The following ENPP2 variants were observed in gnomAD, a reference collection of about 807,000 sequenced individuals.
The protein encoded by ENPP2 is autotaxin.
A neutral mutation model predicts 120.2 loss-of-function variants in ENPP2; 51 were observed. That is an observed-to-expected ratio of 0.42 (90% CI 0.34 to 0.54). The LOEUF is 0.54. Among genes scored for constraint, ENPP2 ranks in the 20% least tolerant of loss-of-function variants. The pLI is 0.04. For synonymous variants in ENPP2, 365 were observed against 366.4 expected (o/e 1.00, Z 0.04); for missense variants, 920 against 1,066.5 (o/e 0.86, Z 1.91).
At chr8:119,595,109 C>G (rs1457957707) in intron 11 of ENPP2, among the ~76,000 whole-genome samples, 5 of 152,172 alleles carry the variant, frequency 3.3e-5, no homozygotes, top group Non-Finnish European at 5.9e-5. Flanking sequence ...AGATCTCTGT[C>G]TAGGTAAAGA....
chr8:119,570,307 G>C (rs1388161396), intron 20 of ENPP2, among the ~76,000 whole-genome samples: 2 of 149,046 alleles, frequency 1.3e-5, no homozygotes, highest in Non-Finnish European at 3.0e-5. Flanking sequence ...TGCTGATAGT[G>C]GGGGAGGTTG....
chr8:119,664,087 T>G (rs1484839892), intron 1 of ENPP2, among the ~76,000 whole-genome samples: 2 of 151,900 alleles, frequency 1.3e-5, no homozygotes, highest in Non-Finnish European at 2.9e-5. Flanking sequence ...GGAGGCAGAG[T>G]AGGTGCCCTC....
intron 24 of ENPP2, among the ~76,000 whole-genome samples, chr8:119,561,055 T>C (rs570057348): frequency 6.6e-6 from 1 of 152,354 alleles, no homozygotes; most frequent in East Asian, 1.9e-4. Context: ...CTACTACTTT[T>C]TAAAAATTTG....
chr8:119,630,294 G>A (rs982314927), intron 2 of ENPP2, among the ~76,000 whole-genome samples: 12 of 152,092 alleles, frequency 7.9e-5, no homozygotes, highest in Non-Finnish European at 5.9e-5. Flanking sequence ...TTTTAGTAGA[G>A]ACAGGGTTTC....
chr8:119,620,707 A>G (rs897718942), intron 4 of ENPP2, among the ~76,000 whole-genome samples: 1 of 152,240 alleles, frequency 6.6e-6, no homozygotes, highest in Admixed American at 6.5e-5. Flanking sequence ...TCTGTAGTCC[A>G]TTAACTATTG....
At chr8:119,586,111 GA>G (rs1371515065) in intron 15 of ENPP2, 74 bp downstream of exon 15, 2 of 1,472,124 alleles carry the variant, frequency 1.4e-6, no homozygotes, top group Non-Finnish European at 1.9e-6. Flanking sequence ...GATGACTAAG[GA>G]TGATAAAATA....
intron 8 of ENPP2, among the ~76,000 whole-genome samples, chr8:119,614,432 A>G (rs1234225969): frequency 2.0e-5 from 3 of 152,130 alleles, no homozygotes; most frequent in Non-Finnish European, 4.4e-5. Flanking sequence ...TTTCACCACA[A>G]ATCTTGGTCA....
At chr8:119,649,744 T>C (rs141172743) in intron 1 of ENPP2, among the ~76,000 whole-genome samples, 2 of 152,152 alleles carry the variant, frequency 1.3e-5, no homozygotes, top group Non-Finnish European at 2.9e-5. Context: ...TAAAAAATGA[T>C]CAATGGATTA....
At chr8:119,657,145 G>T (rs537052621) in intron 1 of ENPP2, among the ~76,000 whole-genome samples, 2 of 151,986 alleles carry the variant, frequency 1.3e-5, no homozygotes, top group African/African-American at 2.4e-5. Flanking sequence ...GTCTGGTCTC[G>T]AACTCCTGAC....
At chr8:119,592,093 C>T (rs1813546204) in intron 12 of ENPP2, among the ~76,000 whole-genome samples, 1 of 152,136 alleles carries the variant, frequency 6.6e-6, no homozygotes, top group African/African-American at 2.4e-5. Context: ...AGACTTGCCA[C>T]AAAAGGTGTA....
chr8:119,664,877 G>A (rs1218400551), intron 1 of ENPP2, among the ~76,000 whole-genome samples: 1 of 152,138 alleles, frequency 6.6e-6, no homozygotes, highest in Non-Finnish European at 1.5e-5. Flanking sequence ...GGAGGTGGAG[G>A]TTGCAGTGAG....
At chr8:119,644,344 T>G (rs970447832) in intron 1 of ENPP2, among the ~76,000 whole-genome samples, 14 of 151,682 alleles carry the variant, frequency 9.2e-5, no homozygotes, top group African/African-American at 3.1e-4. Context: ...AAAAAGACTT[T>G]TTAATGAACT....
At chr8:119,588,875 C>A (rs187093487) in intron 13 of ENPP2, among the ~76,000 whole-genome samples, 2 of 152,286 alleles carry the variant, frequency 1.3e-5, no homozygotes, top group Admixed American at 1.3e-4. Flanking sequence ...TCTTTGCAGG[C>A]TAACAGTCCT....
intron 11 of ENPP2, among the ~76,000 whole-genome samples, chr8:119,594,711 G>T (rs1490057797): frequency 6.6e-6 from 1 of 152,136 alleles, no homozygotes; most frequent in Non-Finnish European, 1.5e-5. Context: ...AGATTTTTAA[G>T]AAACATCTGA....
Position 119,601,258 on chromosome 8 carries a change from A to G in ENPP2, c.899+139T>C, listed in dbSNP as rs1587444492. ...AAGTCTATTGTATCCTTCTTAGGGA[A>G]GTAACACTTAAGGCTAAGAACCACA... On this transcript the variant is annotated intron_variant, in intron 10 of 24. Transcript: ENST00000075322. The G allele has an allele frequency of 4.2e-5, 26 of 618,634 alleles. No individual in the cohort carries two copies. In the East Asian group the frequency reaches 7.2e-4, roughly 17 times the overall value. The allele number at this position is 618,634 out of a possible 1,614,324, so 38.3% of individuals were successfully genotyped here. A position where few individuals can be genotyped will look rare whatever the true frequency, so the allele number is the denominator to read the frequency against.
chr8:119,635,322 A>C (rs1234995282), intron 2 of ENPP2, among the ~76,000 whole-genome samples: 1 of 152,250 alleles, frequency 6.6e-6, no homozygotes, highest in African/African-American at 2.4e-5. Flanking sequence ...AATTAAACTG[A>C]GCTTTTAAGT....
intron 18 of ENPP2, chr8:119,580,375 C>T: frequency 1.7e-6 from 1 of 584,288 alleles, no homozygotes; most frequent in Non-Finnish European, 3.1e-6. Flanking sequence ...TTTGTAAGCA[C>T]CTTCTTCAAT....
chr8:119,615,091 C>A (rs539953888), intron 8 of ENPP2, among the ~76,000 whole-genome samples: 1 of 152,188 alleles, frequency 6.6e-6, no homozygotes, highest in Non-Finnish European at 1.5e-5. Flanking sequence ...GAAAAAATTT[C>A]TATTTATAGT....
At chr8:119,580,441 G>A (rs150197420) in intron 18 of ENPP2, 1 of 454,350 alleles carries the variant, frequency 2.2e-6, no homozygotes, top group Admixed American at 3.9e-5. Flanking sequence ...TTTCCCATGT[G>A]GGTACTGATG....
Sources: gnomAD v4.1 joint callset for allele counts (sites outside exome capture counted in the v4.1 genomes callset) on GRCh38, gnomAD v4.1.1 for gene constraint, MANE v1.5 for transcripts, NCBI Gene and HGNC (gene_info 2026-07-23, HGNC 2026-07-21) for gene names.